Variants in SORCS2 observed in about 807,000 individuals in gnomAD.
SORCS2 encodes the protein sortilin related VPS10 domain containing receptor 2, also known as VPS10 domain-containing receptor SorCS2.
SORCS2 carries 100 observed loss-of-function variants against 141.6 expected under a neutral mutation model. The ratio of observed to expected loss-of-function variants is 0.71; its 90% confidence interval spans 0.60 to 0.83. SORCS2 has a LOEUF of 0.83. Among genes scored for constraint, SORCS2 ranks in the 40% least tolerant of loss-of-function variants. SORCS2 has a pLI of 0.00. For synonymous variants in SORCS2, 789 were observed against 676.9 expected (o/e 1.17, Z -2.57); for missense variants, 1,646 against 1,560.2 (o/e 1.05, Z -0.93).
At chr4:7,346,887 C>T (rs1318208828) in intron 1 of SORCS2, among the ~76,000 whole-genome samples, 1 of 152,144 alleles carries the variant, frequency 6.6e-6, no homozygotes, top group Non-Finnish European at 1.5e-5. Context: ...TCAAACTGTA[C>T]TATAATTGCT....
At chr4:7,655,911 G>T (rs763284821) in intron 5 of SORCS2, among the ~76,000 whole-genome samples, 9 of 152,310 alleles carry the variant, frequency 5.9e-5, no homozygotes, top group African/African-American at 1.9e-4. Flanking sequence ...GGAAATTGGC[G>T]ATAATTCAAA....
chr4:7,410,396 T>C (rs1171906908), intron 2 of SORCS2, among the ~76,000 whole-genome samples: 1 of 152,234 alleles, frequency 6.6e-6, no homozygotes, highest in Non-Finnish European at 1.5e-5. Flanking sequence ...TGGAAAGTCC[T>C]CTGTGCACAT....
chr4:7,740,655 G>A lies in SORCS2; in HGVS notation c.*391G>A, dbSNP rs952939090. The stretch of plus-strand genomic sequence containing the variant: ...AGCTGCAGACCCGTTCAGACACTGC[G>A]TTGCGGGCTCCTTCCCCGCAGAGGC... On this transcript the variant is annotated 3_prime_UTR_variant, in exon 27 of 27. Coordinates refer to ENST00000507866, the MANE Select transcript of SORCS2 (RefSeq NM_020777.3). 4.9e-5 allele frequency: 14 copies of A among 283,890 alleles called. No individual in the cohort carries two copies. The highest frequency in any genetic ancestry group is 1.8e-4 in the East Asian group (3 of 16,776). 17.6% of individuals were successfully genotyped at this position (283,890 alleles called of 1,614,324 possible). A position where few individuals can be genotyped will look rare whatever the true frequency, so the allele number is the denominator to read the frequency against.
chr4:7,290,074 G>A (rs1227834076), intron 1 of SORCS2, among the ~76,000 whole-genome samples: 1 of 152,216 alleles, frequency 6.6e-6, no homozygotes. Context: ...CTCTGTACCA[G>A]GGGCCAAATA....
At chr4:7,604,474 C>G (rs569450279) in intron 3 of SORCS2, among the ~76,000 whole-genome samples, 1 of 152,202 alleles carries the variant, frequency 6.6e-6, no homozygotes, top group Non-Finnish European at 1.5e-5. Context: ...CCCGCCACCA[C>G]GCACGGCTCA....
intron 19 of SORCS2, 44 bp from the exon 20 acceptor site, chr4:7,725,109 CA>C (rs1727119599): frequency 1.3e-6 from 2 of 1,591,898 alleles, no homozygotes; most frequent in Admixed American, 3.4e-5. Context: ...TGAAATGCCC[CA>C]TGCCCTGATA....
Position 7,691,944 on chromosome 4 carries a change from C to T in SORCS2, c.1591+2356C>T, listed in dbSNP as rs566161578. Among the ~76,000 whole-genome samples, 57 of 152,082 alleles carry T rather than the reference C, an allele frequency of 3.7e-4. 1 individual carries two copies. The South Asian group carries it at 0.012, about 31-fold the overall frequency. On this transcript the variant is annotated intron_variant, in intron 11 of 26. Coordinates refer to ENST00000507866, the MANE Select transcript of SORCS2 (RefSeq NM_020777.3). The stretch of plus-strand genomic sequence containing the variant: ...GTCATGCAAAGCACCGAGAGCAGCC[C>T]CCCTCACTCTGTGGGGGTGTCAGTC...
intron 1 of SORCS2, among the ~76,000 whole-genome samples, chr4:7,312,505 A>G (rs1718248736): frequency 6.6e-6 from 1 of 151,562 alleles, no homozygotes; most frequent in African/African-American, 2.4e-5. Context: ...CTTCTCTAGT[A>G]CCTACCTGTC....
intron 3 of SORCS2, among the ~76,000 whole-genome samples, chr4:7,555,588 GA>G (rs1714049408): frequency 6.6e-6 from 1 of 152,244 alleles, no homozygotes. Flanking sequence ...GGTATCGGAT[GA>G]AAACAGACAT....
chr4:7,374,162 T>TCTTTCTTTCTTTCTTTCTTTCTTC (rs1722472183), intron 1 of SORCS2, among the ~76,000 whole-genome samples: 4 of 147,756 alleles, frequency 2.7e-5, no homozygotes, highest in African/African-American at 1.0e-4. Context: ...TTTCTTTCTT[T>TCTTTCTTTCTTTCTTTCTTTCTTC]CTTTCTTTCT....
chr4:7,251,017 A>G (rs1051759622), intron 1 of SORCS2, among the ~76,000 whole-genome samples: 1 of 152,272 alleles, frequency 6.6e-6, no homozygotes, highest in Non-Finnish European at 1.5e-5. Context: ...GTCTGCCACC[A>G]AAGACTGGGT....
At chr4:7,722,245 C>G (rs888342019) in intron 18 of SORCS2, among the ~76,000 whole-genome samples, 1 of 152,148 alleles carries the variant, frequency 6.6e-6, no homozygotes, top group Non-Finnish European at 1.5e-5. Context: ...AAACACTTCC[C>G]TCCGTGGAAG....
chr4:7,443,094 G>C (rs1727780466), intron 2 of SORCS2, among the ~76,000 whole-genome samples: 1 of 152,208 alleles, frequency 6.6e-6, no homozygotes, highest in African/African-American at 2.4e-5. Context: ...GGGCCCATCT[G>C]AATTGAATAT....
intron 3 of SORCS2, among the ~76,000 whole-genome samples, chr4:7,556,602 C>T (rs1714123136): frequency 1.3e-5 from 2 of 152,146 alleles, no homozygotes; most frequent in Admixed American, 1.3e-4. Context: ...ATGCTTGAAA[C>T]ATGTAGTCAT....
chr4:7,684,967 C>T (rs1399188269), intron 10 of SORCS2, among the ~76,000 whole-genome samples: 1 of 152,214 alleles, frequency 6.6e-6, no homozygotes, highest in East Asian at 1.9e-4. Flanking sequence ...GAGGCTTGAG[C>T]TCTGACTCGT....
chr4:7,537,551 T>C lies in SORCS2; in HGVS notation c.648+5922T>C, dbSNP rs7693352. Reference sequence around the variant, plus strand: ...GAGCCCTTTGCTTTGTCCAGTCTTATAGAGAGCAGATACAGATTATGTACC... The same window carrying C: ...GAGCCCTTTGCTTTGTCCAGTCTTACAGAGAGCAGATACAGATTATGTACC... On this transcript the variant is annotated intron_variant, in intron 3 of 26. Coordinates refer to ENST00000507866, the MANE Select transcript of SORCS2 (RefSeq NM_020777.3). Among the ~76,000 whole-genome samples, 158 of 152,318 alleles carry C rather than the reference T, an allele frequency of 1.0e-3. 1 individual carries two copies. Among genetic ancestry groups the C allele is most frequent in the African/African-American group, 3.5e-3 (146 of 41,564 alleles).
intron 4 of SORCS2, among the ~76,000 whole-genome samples, chr4:7,646,337 T>C (rs572833744): frequency 6.6e-6 from 1 of 152,338 alleles, no homozygotes; most frequent in South Asian, 2.1e-4. Flanking sequence ...ATGGCTGGAT[T>C]GTGTCCCCCA....
intron 2 of SORCS2, among the ~76,000 whole-genome samples, chr4:7,504,372 G>A (rs1732155259): frequency 6.6e-6 from 1 of 152,224 alleles, no homozygotes; most frequent in Non-Finnish European, 1.5e-5. Flanking sequence ...ACTTTGTAGA[G>A]CCCGAGAGTG....
chr4:7,640,521 T>A (rs1720661863), intron 4 of SORCS2, among the ~76,000 whole-genome samples: 1 of 151,268 alleles, frequency 6.6e-6, no homozygotes, highest in African/African-American at 2.4e-5. Flanking sequence ...TGTGAGTGTA[T>A]GTGGACGTGC....
Sources: gnomAD v4.1 joint callset for allele counts (sites outside exome capture counted in the v4.1 genomes callset) on GRCh38, gnomAD v4.1.1 for gene constraint, MANE v1.5 for transcripts, NCBI Gene and HGNC (gene_info 2026-07-23, HGNC 2026-07-21) for gene names.